Variants in SUPT3H observed in about 807,000 individuals in gnomAD.
The protein encoded by SUPT3H is SPT3 homolog, SAGA and STAGA complex component, also known as transcription initiation protein SPT3 homolog.
SUPT3H carries 44 observed loss-of-function variants against 44.3 expected under a neutral mutation model. The ratio of observed to expected loss-of-function variants is 0.99; its 90% CI spans 0.78 to 1.28. The LOEUF (loss-of-function observed/expected upper bound fraction) is 1.28, where lower values mean the gene tolerates loss of function less well. Among genes scored for constraint, SUPT3H ranks in the 50% most tolerant of loss-of-function variants. The pLI, the probability that SUPT3H is intolerant of heterozygous loss-of-function variation, is 0.00. For missense variants in SUPT3H, 380 were observed against 387.1 expected (o/e 0.98, Z 0.15); for synonymous variants, 124 against 125.6 (o/e 0.99, Z 0.09).
chr6:45,026,065 T>C (rs1785955594), intron 3 of SUPT3H, among the ~76,000 whole-genome samples: 1 of 152,156 alleles, frequency 6.6e-6, no homozygotes, highest in Non-Finnish European at 1.5e-5. Flanking sequence ...GCTAGTATCA[T>C]GAAGAGGCAG....
At chr6:45,144,734 T>G (rs1017688388) in intron 2 of SUPT3H, among the ~76,000 whole-genome samples, 5 of 152,010 alleles carry the variant, frequency 3.3e-5, no homozygotes, top group African/African-American at 1.2e-4. Flanking sequence ...TCACTGATAA[T>G]ATGATCATAT....
chr6:44,978,081 T>C (rs1487089289), intron 6 of SUPT3H, among the ~76,000 whole-genome samples: 1 of 152,200 alleles, frequency 6.6e-6, no homozygotes, highest in Non-Finnish European at 1.5e-5. Flanking sequence ...TATTACATAT[T>C]CCACTAACTT....
At chr6:45,270,112 A>G (rs1775882653) in intron 2 of SUPT3H, among the ~76,000 whole-genome samples, 1 of 152,188 alleles carries the variant, frequency 6.6e-6, no homozygotes, top group African/African-American at 2.4e-5. Context: ...TGACAAGTTA[A>G]TGGAAAATGT....
chr6:45,154,722 C>T (rs1807530563), intron 2 of SUPT3H, among the ~76,000 whole-genome samples: 1 of 152,192 alleles, frequency 6.6e-6, no homozygotes, highest in South Asian at 2.1e-4. Context: ...GCCCTGCACC[C>T]ATCAACCCTA....
chr6:44,885,654 C>T (rs9472395), intron 10 of SUPT3H, among the ~76,000 whole-genome samples: 17,663 of 152,090 alleles, frequency 0.12, 1,210 homozygotes, highest in African/African-American at 0.19. Flanking sequence ...GACAAAACCA[C>T]AAAGATGGGG....
chr6:44,946,059 T>C (rs1202461191), intron 9 of SUPT3H, among the ~76,000 whole-genome samples: 2 of 152,196 alleles, frequency 1.3e-5, no homozygotes, highest in Admixed American at 6.6e-5. Context: ...AAATCTATTC[T>C]GCTTATGCTC....
intron 2 of SUPT3H, among the ~76,000 whole-genome samples, chr6:45,218,712 C>A (rs1437790602): frequency 6.6e-6 from 1 of 152,142 alleles, no homozygotes; most frequent in Non-Finnish European, 1.5e-5. Flanking sequence ...CCAGCCTGGA[C>A]AACAGGAGCA....
chr6:44,951,130 T>C (rs546401722), intron 9 of SUPT3H, among the ~76,000 whole-genome samples: 40 of 152,232 alleles, frequency 2.6e-4, no homozygotes, highest in South Asian at 1.0e-3. Flanking sequence ...GTACTTATGC[T>C]GTCTTTGAGT....
chr6:45,271,113 T>C (rs892499974), intron 2 of SUPT3H, among the ~76,000 whole-genome samples: 6 of 152,092 alleles, frequency 3.9e-5, no homozygotes, highest in Non-Finnish European at 5.9e-5. Flanking sequence ...AAAAGGGAAA[T>C]AGAGCATAAA....
At chr6:44,980,037 T>C (rs1282264352) in intron 6 of SUPT3H, among the ~76,000 whole-genome samples, 4 of 152,114 alleles carry the variant, frequency 2.6e-5, no homozygotes, top group Non-Finnish European at 5.9e-5. Flanking sequence ...TTAGGCAAGA[T>C]CAAAGTTTAT....
chr6:44,843,616 A>G (rs938418734), intron 10 of SUPT3H, among the ~76,000 whole-genome samples: 1 of 152,182 alleles, frequency 6.6e-6, no homozygotes, highest in South Asian at 2.1e-4. Flanking sequence ...AGAAAAAATT[A>G]AGAAATTAAA....
chr6:45,253,872 T>C (rs115648498), intron 2 of SUPT3H, among the ~76,000 whole-genome samples: 3,561 of 124,030 alleles, frequency 0.029, 199 homozygotes, highest in South Asian at 0.09. Flanking sequence ...TATATATATA[T>C]ACACACACAC....
chr6:45,250,229 G>GA (rs1322220531), intron 2 of SUPT3H, among the ~76,000 whole-genome samples: 1 of 151,646 alleles, frequency 6.6e-6, no homozygotes, highest in African/African-American at 2.4e-5. Context: ...AGAAGCAGCA[G>GA]AAAAATAAAG....
intron 10 of SUPT3H, among the ~76,000 whole-genome samples, chr6:44,924,003 C>T (rs940830842): frequency 2.0e-5 from 3 of 152,158 alleles, no homozygotes; most frequent in Non-Finnish European, 4.4e-5. Context: ...AGAGAAGGAT[C>T]CTCAGATGAC....
At chr6:44,963,003 T>C (rs1361599452) in intron 6 of SUPT3H, among the ~76,000 whole-genome samples, 1 of 151,924 alleles carries the variant, frequency 6.6e-6, no homozygotes, top group Non-Finnish European at 1.5e-5. Flanking sequence ...TAGGTTCAAG[T>C]ATACTTTTTG....
chr6:45,363,051 A>C (rs114502565), intron 2 of SUPT3H, among the ~76,000 whole-genome samples: 2,662 of 151,944 alleles, frequency 0.018, 49 homozygotes, highest in South Asian at 0.085. Context: ...CTTCTTCTTA[A>C]AGGCAACTGT....
At chr6:44,889,650 A>G (rs1257177670) in intron 10 of SUPT3H, among the ~76,000 whole-genome samples, 1 of 152,236 alleles carries the variant, frequency 6.6e-6, no homozygotes, top group African/African-American at 2.4e-5. Context: ...ACCTAAAACC[A>G]TAAAAACCCT....
At chr6:45,050,812 G>A (rs949599600) in intron 3 of SUPT3H, among the ~76,000 whole-genome samples, 3 of 150,958 alleles carry the variant, frequency 2.0e-5, no homozygotes, top group Non-Finnish European at 4.4e-5. Context: ...ATCTAGTAAA[G>A]AGTAGAAATG....
intron 2 of SUPT3H, among the ~76,000 whole-genome samples, chr6:45,177,992 T>G (rs1018913524): frequency 3.9e-5 from 6 of 152,242 alleles, no homozygotes; most frequent in African/African-American, 1.4e-4. Context: ...CCATGGGGAC[T>G]AGGAAGAAAC....
Sources: gnomAD v4.1 joint callset for allele counts (sites outside exome capture counted in the v4.1 genomes callset) on GRCh38, gnomAD v4.1.1 for gene constraint, MANE v1.5 for transcripts, NCBI Gene and HGNC (gene_info 2026-07-23, HGNC 2026-07-21) for gene names.